The following RIMBP2 variants were observed in gnomAD, a reference collection of about 807,000 sequenced individuals.
The protein encoded by RIMBP2 is RIMS binding protein 2.
RIMBP2 carries 48 observed loss-of-function variants against 118.6 expected under a neutral mutation model. The ratio of observed to expected loss-of-function variants is 0.40; its 90% CI spans 0.32 to 0.51. RIMBP2 has a LOEUF of 0.51. Among genes scored for constraint, RIMBP2 ranks in the 20% least tolerant of loss-of-function variants. The pLI is 0.41. For synonymous variants in RIMBP2, 762 were observed against 742.9 expected, an observed-to-expected ratio of 1.03 and a Z score of -0.42; for missense variants, 1,551 against 1,768.3, an observed-to-expected ratio of 0.88 and a Z score of 2.20.
chr12:130,505,091 C>T (rs2050172170), intron 4 of RIMBP2, among the ~76,000 whole-genome samples: 2 of 152,180 alleles, frequency 1.3e-5, no homozygotes, highest in Non-Finnish European at 2.9e-5. Flanking sequence ...CCTCAGAAAA[C>T]TCACAGTCAT....
At chr12:130,473,077 CA>C (rs2081139290) in intron 5 of RIMBP2, among the ~76,000 whole-genome samples, 2 of 152,116 alleles carry the variant, frequency 1.3e-5, no homozygotes, top group Admixed American at 1.3e-4. Flanking sequence ...AAAGACAAAA[CA>C]AAAAATATTC....
intron 1 of RIMBP2, among the ~76,000 whole-genome samples, chr12:130,691,027 G>A (rs191033449): frequency 8.5e-5 from 13 of 152,300 alleles, no homozygotes; most frequent in Admixed American, 7.2e-4. Context: ...GTTGGGGGAG[G>A]AGGGAGAGGA....
At chr12:130,556,268 C>T (rs1197817867) in intron 2 of RIMBP2, among the ~76,000 whole-genome samples, 4 of 152,210 alleles carry the variant, frequency 2.6e-5, no homozygotes, top group African/African-American at 4.8e-5. Context: ...GTGGCCCAGA[C>T]CTTCCCCTCA....
In RIMBP2 at chr12:130,688,204, C is replaced by T. The variant is rs368018480; in HGVS notation, c.-352+28018G>A. Among the ~76,000 whole-genome samples, 11 of 152,274 alleles carry T rather than the reference C, an allele frequency of 7.2e-5. No homozygotes were observed. In the South Asian group the frequency reaches 1.9e-3, roughly 26 times the overall value. On this transcript the variant is annotated intron_variant, in intron 1 of 22. Coordinates refer to ENST00000690449, the MANE Select transcript of RIMBP2 (RefSeq NM_001393629.1). This position sits in a 1 kb window ranked among gnomAD's most constrained non-coding sequence, Gnocchi z 4.7. Reference sequence around the variant, plus strand: ...TGCTGCTTGGCTTTGTGAACAGTTGCGTGGTGGCTTCTCAGCGGCCTTGGT... The same window carrying T: ...TGCTGCTTGGCTTTGTGAACAGTTGTGTGGTGGCTTCTCAGCGGCCTTGGT...
chr12:130,684,577 C>T (rs996497779), intron 1 of RIMBP2, among the ~76,000 whole-genome samples: 11 of 152,130 alleles, frequency 7.2e-5, no homozygotes, highest in East Asian at 1.9e-4. Flanking sequence ...TAGATGTTTA[C>T]GGTTAAGATA....
intron 3 of RIMBP2, among the ~76,000 whole-genome samples, chr12:130,514,850 G>A (rs2051277609): frequency 6.6e-6 from 1 of 152,054 alleles, no homozygotes; most frequent in Non-Finnish European, 1.5e-5. Flanking sequence ...AATGGGGAAA[G>A]CATACTAATT....
chr12:130,402,820 G>A (rs538321020), intron 21 of RIMBP2, among the ~76,000 whole-genome samples: 9 of 152,202 alleles, frequency 5.9e-5, no homozygotes, highest in African/African-American at 1.9e-4. Context: ...ACCTTAGTAC[G>A]CCACGTGATG....
intron 4 of RIMBP2, among the ~76,000 whole-genome samples, chr12:130,490,778 T>C (rs1260196126): frequency 2.0e-5 from 3 of 152,162 alleles, no homozygotes; most frequent in Non-Finnish European, 1.5e-5. Flanking sequence ...ATCGGCCAAG[T>C]GGGGGCTGCA....
At chr12:130,514,549 G>C (rs1340055425) in intron 3 of RIMBP2, among the ~76,000 whole-genome samples, 1 of 152,300 alleles carries the variant, frequency 6.6e-6, no homozygotes, top group East Asian at 1.9e-4. Context: ...CCAGGTGCAG[G>C]AGCCCAGCTC....
Position 130,646,154 on chromosome 12 carries a change from TCCACCTCCCTCA to T in RIMBP2, c.-351-17710_-351-17699del, listed in dbSNP as rs1371993234. Among the ~76,000 whole-genome samples the T allele has an allele frequency of 8.4e-4, 9 of 10,654 alleles. 1 individual carries two copies. The highest frequency in any genetic ancestry group is 3.3e-3 in the Admixed American group (3 of 906). The allele number at this position is 10,654 out of a possible 152,430, so 7.0% of individuals were successfully genotyped here. A position where few individuals can be genotyped will look rare whatever the true frequency, so the allele number is the denominator to read the frequency against. On this transcript the variant is annotated intron_variant, in intron 1 of 22. Coordinates refer to ENST00000690449, the MANE Select transcript of RIMBP2 (RefSeq NM_001393629.1). The stretch of plus-strand genomic sequence containing the variant: ...CTCCACCTCCCTCACCACCTGCCTC[TCCACCTCCCTCA>T]CCACCTGCCTCTCCACCTCCCTCAC...
At chr12:130,439,311 G>A (rs1260884772) in intron 11 of RIMBP2, among the ~76,000 whole-genome samples, 1 of 151,688 alleles carries the variant, frequency 6.6e-6, no homozygotes, top group African/African-American at 2.4e-5. Flanking sequence ...GTGTGTGGGT[G>A]TGTATAGATG....
chr12:130,546,383 C>T (rs533255675), intron 2 of RIMBP2, among the ~76,000 whole-genome samples: 4 of 152,126 alleles, frequency 2.6e-5, no homozygotes, highest in East Asian at 1.9e-4. Context: ...TCAACCTCTG[C>T]CTCCCAGGAT....
chr12:130,402,636 A>C (rs1270241098), intron 21 of RIMBP2, among the ~76,000 whole-genome samples: 1 of 151,914 alleles, frequency 6.6e-6, no homozygotes, highest in African/African-American at 2.4e-5. Flanking sequence ...CTCATTTCCC[A>C]CCATTTCTCT....
chr12:130,626,806 C>T (rs1166735751), intron 2 of RIMBP2, among the ~76,000 whole-genome samples: 3 of 151,334 alleles, frequency 2.0e-5, no homozygotes, highest in African/African-American at 4.9e-5. Flanking sequence ...TCCATCAACA[C>T]GACTACCACC....
rs995737598 is a variant in RIMBP2 at position 130,602,027 on chromosome 12, G to A, written c.-217+26295C>T. Among the ~76,000 whole-genome samples, 19 of 152,296 alleles carry A rather than the reference G, an allele frequency of 1.2e-4. No individual in the cohort carries two copies. The East Asian group carries it at 2.5e-3, about 20-fold the overall frequency. Reference sequence around the variant, plus strand: ...CTTTAAGAAATATTTGGCCAGGCACGGTGGCTCGTGCCTGTAATCCCAATA... The same window carrying A: ...CTTTAAGAAATATTTGGCCAGGCACAGTGGCTCGTGCCTGTAATCCCAATA... On this transcript the variant is annotated intron_variant, in intron 2 of 22. Transcript: ENST00000690449.
intron 4 of RIMBP2, among the ~76,000 whole-genome samples, chr12:130,504,054 G>T (rs2050069328): frequency 6.6e-6 from 1 of 152,232 alleles, no homozygotes; most frequent in Admixed American, 6.5e-5. Flanking sequence ...AGCAGGGGGG[G>T]GTGTCTAGTC....
chr12:130,509,678 G>A (rs1210806349), intron 3 of RIMBP2, among the ~76,000 whole-genome samples: 4 of 151,794 alleles, frequency 2.6e-5, no homozygotes, highest in Admixed American at 6.5e-5. Context: ...GGCCTCTGCT[G>A]GTCTCAGACT....
At chr12:130,678,396 C>T (rs748499996) in intron 1 of RIMBP2, among the ~76,000 whole-genome samples, 33 of 152,242 alleles carry the variant, frequency 2.2e-4, no homozygotes, top group Admixed American at 3.3e-4. Context: ...TGCTGCGCCA[C>T]GGAATATTCC....
chr12:130,644,296 G>A (rs1020247342), intron 1 of RIMBP2, among the ~76,000 whole-genome samples: 16 of 152,316 alleles, frequency 1.1e-4, no homozygotes, highest in African/African-American at 3.4e-4. Context: ...GTCCTGCCCC[G>A]TGGTTTTAGA....
Sources: allele counts gnomAD v4.1 joint callset (sites outside exome capture counted in the v4.1 genomes callset), GRCh38; gene constraint gnomAD v4.1.1; non-coding constraint Gnocchi (gnomAD v3.1); transcripts MANE v1.5; gene names NCBI Gene and HGNC (gene_info 2026-07-23, HGNC 2026-07-21).